The following WIPF1 variants were observed in gnomAD, a reference collection of about 807,000 sequenced individuals.
The protein encoded by WIPF1 is WAS/WASL-interacting protein family member 1.
WIPF1 carries 13 observed loss-of-function variants against 35.4 expected under a neutral mutation model. The ratio of observed to expected loss-of-function variants is 0.37; its 90% confidence interval spans 0.24 to 0.58. The LOEUF is 0.58. WIPF1 is among the 20% of genes least tolerant of loss of function. The pLI is 0.74. For synonymous variants in WIPF1, 267 were observed against 266.3 expected, an observed-to-expected ratio of 1.00 and a Z score of -0.02; for missense variants, 591 against 667.0, an observed-to-expected ratio of 0.89 and a Z score of 1.25.
At chr2:174,595,245 C>T (rs1424553557) in intron 1 of WIPF1, among the ~76,000 whole-genome samples, 8 of 126,910 alleles carry the variant, frequency 6.3e-5, no homozygotes, top group African/African-American at 2.4e-4. Flanking sequence ...GAGCTGTGAT[C>T]ATGCCATTGC....
chr2:174,633,902 G>A (rs970113911), intron 1 of WIPF1, among the ~76,000 whole-genome samples: 6 of 152,116 alleles, frequency 3.9e-5, no homozygotes, highest in African/African-American at 1.4e-4. Flanking sequence ...CCCTACTGCT[G>A]CTTCTCTACT....
At chr2:174,650,189 C>T (rs1182898071) in intron 1 of WIPF1, among the ~76,000 whole-genome samples, 1 of 152,118 alleles carries the variant, frequency 6.6e-6, no homozygotes, top group East Asian at 1.9e-4. Flanking sequence ...CTTACTCTAC[C>T]ACTGCACCAG....
chr2:174,646,895 G>A lies in WIPF1; in HGVS notation c.-39+35879C>T, dbSNP rs575137949. On this transcript the variant is annotated intron_variant, in intron 1 of 8. Transcript: ENST00000272746. The stretch of plus-strand genomic sequence containing the variant: ...CTCCCAAAGTGCTGAAACTACAGGC[G>A]TGAGCCACCACGCAGAGCCATGAAC... Among the ~76,000 whole-genome samples, 16 of 152,276 alleles carry A rather than the reference G, an allele frequency of 1.1e-4. 1 individual carries two copies. The South Asian group carries it at 2.5e-3, about 24-fold the overall frequency.
At chr2:174,605,716 T>G (rs1686139176) in intron 1 of WIPF1, among the ~76,000 whole-genome samples, 1 of 151,978 alleles carries the variant, frequency 6.6e-6, no homozygotes, top group Non-Finnish European at 1.5e-5. Context: ...GGAAAGTGGG[T>G]AGGGGTACAA....
intron 1 of WIPF1, among the ~76,000 whole-genome samples, chr2:174,607,517 C>CA (rs1186657968): frequency 6.6e-5 from 10 of 152,338 alleles, no homozygotes; most frequent in African/African-American, 2.4e-4. Flanking sequence ...TTCACGGACT[C>CA]AAACACTTCA....
rs753822309 is a variant in WIPF1 at position 174,572,378 on chromosome 2, G to T, written c.427C>A (p.Pro143Thr). 4 of 1,614,148 alleles carry T rather than the reference G, an allele frequency of 2.5e-6. No homozygotes were observed. Among genetic ancestry groups the T allele is most frequent in the Non-Finnish European group, 2.5e-6 (3 of 1,180,024 alleles). ...GRSTSAKPFS[P>T]PSGPGRFPVP... ...GGAAACCTCCCTGGGCCACTTGGGG[G>T]TGAAAAGGGTTTCGCAGATGTGGAT... is the stretch of plus-strand genomic sequence containing the variant. Residue 143 changes from proline (P) to threonine (T), a missense_variant, in exon 5 of 8, where the codon CCC becomes ACC. Pro to Thr is a conservative substitution (Grantham distance 38). This residue lies in a region of WIPF1 where 471 missense variants were observed against 501.1 expected (regional missense o/e 0.94). Transcript: ENST00000679041.
chr2:174,581,252 GT>G, intron 3 of WIPF1, 57 bp downstream of exon 3: 1 of 1,599,772 alleles, frequency 6.3e-7, no homozygotes, highest in East Asian at 2.2e-5. Flanking sequence ...TGAGGGTAGG[GT>G]TGATTATTAG....
chr2:174,591,911 G>A (rs916278963), intron 1 of WIPF1, among the ~76,000 whole-genome samples: 2 of 152,176 alleles, frequency 1.3e-5, no homozygotes, highest in Non-Finnish European at 2.9e-5. Context: ...AACGAGCACT[G>A]TGAGAGAAAG....
Position 174,611,664 on chromosome 2 carries a change from T to G in WIPF1, c.-38-26053A>C, listed in dbSNP as rs778425848. On this transcript the variant is annotated intron_variant, in intron 1 of 8. Transcript: ENST00000272746. The stretch of plus-strand genomic sequence containing the variant: ...AATATTTCTTACCCTAAATTGTAAT[T>G]CCCTTTCCTGGGATAAGATGATCTC... Among the ~76,000 whole-genome samples the G allele has an allele frequency of 2.8e-4, 43 of 152,286 alleles. No homozygotes were observed. In the Middle Eastern group the frequency reaches 0.017, roughly 60 times the overall value.
At chr2:174,632,961 G>A (rs1189749248) in intron 1 of WIPF1, among the ~76,000 whole-genome samples, 1 of 152,104 alleles carries the variant, frequency 6.6e-6, no homozygotes, top group African/African-American at 2.4e-5. Context: ...CCAGGTACAA[G>A]AGGCCTTCCT....
At chr2:174,576,878 ATTAT>A (rs1685081132) in intron 3 of WIPF1, among the ~76,000 whole-genome samples, 1 of 152,230 alleles carries the variant, frequency 6.6e-6, no homozygotes, top group African/African-American at 2.4e-5. Context: ...GAGCTTAAAC[ATTAT>A]TTAAAGTCCT....
intron 1 of WIPF1, among the ~76,000 whole-genome samples, chr2:174,637,268 A>C (rs1000064211): frequency 6.6e-6 from 1 of 151,078 alleles, no homozygotes; most frequent in Admixed American, 6.6e-5. Flanking sequence ...GTACTTCCTC[A>C]CTTTCCAGCA....
rs1298765619 is a variant in WIPF1 at position 174,643,179 on chromosome 2, TTGAG to T, written c.-39+39591_-39+39594del. On this transcript the variant is annotated intron_variant, in intron 1 of 8. Transcript: ENST00000272746. ...TGTTAATTGGACATCTTCTTTGTGG[TTGAG>T]TATTTAATCAATTTTTGTAAATGCT... Among the ~76,000 whole-genome samples, 3 of 149,288 alleles carry T rather than the reference TTGAG, an allele frequency of 2.0e-5. 1 individual carries two copies. Among genetic ancestry groups the T allele is most frequent in the Admixed American group, 6.6e-5 (1 of 15,178 alleles).
chr2:174,657,530 T>C (rs941964999), intron 1 of WIPF1, among the ~76,000 whole-genome samples: 4 of 152,254 alleles, frequency 2.6e-5, no homozygotes, highest in East Asian at 1.9e-4. Flanking sequence ...TTAATGTCGA[T>C]GTCCTGTCCA....
chr2:174,656,216 C>CTG (rs1687637272), intron 1 of WIPF1: 1 of 152,386 alleles, frequency 6.6e-6, no homozygotes, highest in East Asian at 1.9e-4. Context: ...CAGGCAAGAA[C>CTG]AGCAGAAGAG....
chr2:174,591,628 C>T (rs191271811), intron 1 of WIPF1, among the ~76,000 whole-genome samples: 1 of 151,276 alleles, frequency 6.6e-6, no homozygotes, highest in African/African-American at 2.4e-5. Flanking sequence ...AAATAATTTG[C>T]ATAAATGACT....
intron 1 of WIPF1, among the ~76,000 whole-genome samples, chr2:174,632,050 C>T (rs1687037786): frequency 6.6e-6 from 1 of 152,192 alleles, no homozygotes; most frequent in African/African-American, 2.4e-5. Flanking sequence ...ACAAAATTTA[C>T]CATTTTTTCT....
chr2:174,645,105 G>A (rs78551210), intron 1 of WIPF1, among the ~76,000 whole-genome samples: 3 of 152,026 alleles, frequency 2.0e-5, no homozygotes, highest in Non-Finnish European at 4.4e-5. Context: ...ATGAAACCTT[G>A]GTTTGGACCA....
chr2:174,668,161 T>C (rs897888392), intron 1 of WIPF1, among the ~76,000 whole-genome samples: 1 of 152,164 alleles, frequency 6.6e-6, no homozygotes, highest in Admixed American at 6.5e-5. Context: ...GTTTTGCCTA[T>C]AATAAGAAAA....
Sources: allele counts gnomAD v4.1 joint callset (sites outside exome capture counted in the v4.1 genomes callset), GRCh38; gene constraint gnomAD v4.1.1; regional missense constraint gnomAD v4.1.1; transcripts MANE v1.5; gene names NCBI Gene and HGNC (gene_info 2026-07-23, HGNC 2026-07-21).